ARIH1: variants seen among roughly 807,000 people sequenced by gnomAD.
ARIH1 encodes the protein E3 ubiquitin-protein ligase ARIH1.
Under a neutral mutation model 85.0 loss-of-function variants are expected in ARIH1, and 8 were observed. The ratio of observed to expected loss-of-function variants is 0.09; its 90% CI spans 0.06 to 0.17. The LOEUF is 0.17. ARIH1 is among the 10% of genes least tolerant of loss of function. The pLI is 1.00. For synonymous variants in ARIH1, 238 were observed against 253.6 expected (o/e 0.94, Z 0.59); for missense variants, 311 against 718.1 (o/e 0.43, Z 6.48).
intron 2 of ARIH1, among the ~76,000 whole-genome samples, chr15:72,522,771 G>A (rs377500323): frequency 7.2e-5 from 11 of 152,238 alleles, no homozygotes; most frequent in Middle Eastern, 3.4e-3. Flanking sequence ...ACTCTTGTCC[G>A]AAATATACAA....
At chr15:72,554,830 T>C (rs1205993091) in intron 3 of ARIH1, among the ~76,000 whole-genome samples, 3 of 152,150 alleles carry the variant, frequency 2.0e-5, no homozygotes, top group Non-Finnish European at 2.9e-5. Flanking sequence ...CTCAGCTCAC[T>C]ACAACCTCCG....
chr15:72,565,536 C>T (rs1450488992), intron 7 of ARIH1, among the ~76,000 whole-genome samples: 1 of 151,978 alleles, frequency 6.6e-6, no homozygotes, highest in East Asian at 1.9e-4. Flanking sequence ...CAGGTAAGCT[C>T]ACAGAGATTA....
At chr15:72,485,007 G>C (rs1236733296) in intron 1 of ARIH1, among the ~76,000 whole-genome samples, 1 of 152,160 alleles carries the variant, frequency 6.6e-6, no homozygotes, top group African/African-American at 2.4e-5. Context: ...TCTCCACACT[G>C]TTTTCTATAG....
chr15:72,561,433 A>G (rs753160479), intron 5 of ARIH1, 50 bp from the exon 6 acceptor site: 2 of 1,348,450 alleles, frequency 1.5e-6, no homozygotes, highest in East Asian at 4.6e-5. Context: ...TAAATGTGGA[A>G]AATACTCTTG....
intron 1 of ARIH1, among the ~76,000 whole-genome samples, chr15:72,484,784 T>C (rs2063831156): frequency 1.4e-5 from 1 of 69,088 alleles, no homozygotes. Flanking sequence ...TATATACATA[T>C]ATATACACAC....
chr15:72,514,405 A>C (rs1267488855), intron 1 of ARIH1, among the ~76,000 whole-genome samples: 3 of 152,180 alleles, frequency 2.0e-5, no homozygotes, highest in Admixed American at 2.0e-4. Flanking sequence ...TTTTTTAAAA[A>C]ATAGTAAACT....
At chr15:72,498,130 TAAG>T (rs967435361) in intron 1 of ARIH1, among the ~76,000 whole-genome samples, 6 of 152,204 alleles carry the variant, frequency 3.9e-5, no homozygotes, top group African/African-American at 9.6e-5. Context: ...AGGGGAGTCT[TAAG>T]GAGGTGAAGA....
intron 3 of ARIH1, among the ~76,000 whole-genome samples, chr15:72,555,049 A>T (rs1010771115): frequency 2.0e-5 from 3 of 152,148 alleles, no homozygotes; most frequent in African/African-American, 7.2e-5. Context: ...TTTTATATTT[A>T]ATACAAACAT....
Position 72,565,257 on chromosome 15 carries a change from T to G in ARIH1, c.912-1306T>G, listed in dbSNP as rs148655861. 7.9e-5 allele frequency among the ~76,000 whole-genome samples: 12 copies of G among 152,204 alleles called. No individual in the cohort carries two copies. The East Asian group carries it at 2.3e-3, about 29-fold the overall frequency. On this transcript the variant is annotated intron_variant, in intron 7 of 13. Coordinates refer to ENST00000379887, the MANE Select transcript of ARIH1 (RefSeq NM_005744.5). ...ATTTATTTATTTGTTTATTTATTTA[T>G]GTATTTATTTTTAATAGAGACAGCA...
At chr15:72,535,857 A>G (rs1014844457) in intron 2 of ARIH1, among the ~76,000 whole-genome samples, 1 of 152,158 alleles carries the variant, frequency 6.6e-6, no homozygotes, top group Non-Finnish European at 1.5e-5. Flanking sequence ...ATAGTTTTTT[A>G]AAAATAATGG....
At chr15:72,476,703 A>G (rs2063796466) in intron 1 of ARIH1, among the ~76,000 whole-genome samples, 1 of 152,194 alleles carries the variant, frequency 6.6e-6, no homozygotes, top group Admixed American at 6.5e-5. Flanking sequence ...TTAGGTAAGA[A>G]AAAATAAAAA....
At chr15:72,506,966 G>A (rs1290114067) in intron 1 of ARIH1, among the ~76,000 whole-genome samples, 1 of 151,672 alleles carries the variant, frequency 6.6e-6, no homozygotes, top group Non-Finnish European at 1.5e-5. Flanking sequence ...TCAGCAATTT[G>A]GTTGTGATTA....
intron 1 of ARIH1, among the ~76,000 whole-genome samples, chr15:72,506,077 C>CG (rs76693665): frequency 0.89 from 135,855 of 151,950 alleles, 62,646 homozygotes; most frequent in South Asian, 1. Context: ...GGGCCAGGCG[C>CG]GTGGCTCACG....
At chr15:72,477,763 C>G (rs1390190466) in intron 1 of ARIH1, among the ~76,000 whole-genome samples, 1 of 152,020 alleles carries the variant, frequency 6.6e-6, no homozygotes, top group African/African-American at 2.4e-5. Context: ...TTGTGGCTAC[C>G]TAGCTTACCT....
chr15:72,566,737 C>T (rs2064222854), intron 8 of ARIH1, 132 bp downstream of exon 8: 3 of 776,784 alleles, frequency 3.9e-6, no homozygotes, highest in South Asian at 3.6e-5. Context: ...TTCAGATGAT[C>T]ATTACATGTA....
At chr15:72,516,871 T>C (rs1179783682) in intron 1 of ARIH1, among the ~76,000 whole-genome samples, 1 of 152,222 alleles carries the variant, frequency 6.6e-6, no homozygotes, top group East Asian at 1.9e-4. Context: ...TTTGGAAGGT[T>C]ATTTGATGTA....
chr15:72,516,202 G>C (rs1212585993), intron 1 of ARIH1, among the ~76,000 whole-genome samples: 3 of 152,034 alleles, frequency 2.0e-5, no homozygotes, highest in Non-Finnish European at 4.4e-5. Context: ...TCCTGAAATA[G>C]TTTACCCCAA....
chr15:72,513,374 T>G (rs1469185809), intron 1 of ARIH1, among the ~76,000 whole-genome samples: 1 of 152,184 alleles, frequency 6.6e-6, no homozygotes, highest in Non-Finnish European at 1.5e-5. Flanking sequence ...GTAAATATTT[T>G]ACCTTCTCAA....
At chr15:72,557,632 G>A (rs2064179989) in intron 5 of ARIH1, among the ~76,000 whole-genome samples, 1 of 152,156 alleles carries the variant, frequency 6.6e-6, no homozygotes, top group Non-Finnish European at 1.5e-5. Flanking sequence ...CAAGGCTGAT[G>A]TCTAGAATGG....
Sources: gnomAD v4.1 joint callset for allele counts (sites outside exome capture counted in the v4.1 genomes callset) on GRCh38, gnomAD v4.1.1 for gene constraint, MANE v1.5 for transcripts, NCBI Gene and HGNC (gene_info 2026-07-23, HGNC 2026-07-21) for gene names.